CACNA2D3: variants seen among roughly 807,000 people sequenced by gnomAD.
The protein encoded by CACNA2D3 is voltage-dependent calcium channel subunit alpha-2/delta-3.
A neutral mutation model predicts 160.6 loss-of-function variants in CACNA2D3; 60 were observed. That is an observed-to-expected ratio of 0.37 (90% CI 0.30 to 0.46). The LOEUF (loss-of-function observed/expected upper bound fraction) is 0.46. Ranked by LOEUF, CACNA2D3 falls within the 20% of genes least tolerant of loss-of-function variation. The pLI, the probability that CACNA2D3 is intolerant of heterozygous loss-of-function variation, is 1.00. For synonymous variants in CACNA2D3, 558 were observed against 492.9 expected (o/e 1.13, Z -1.75); for missense variants, 1,205 against 1,365.0 (o/e 0.88, Z 1.85).
At chr3:54,372,146 C>G (rs1010110223) in intron 3 of CACNA2D3, among the ~76,000 whole-genome samples, 6 of 152,214 alleles carry the variant, frequency 3.9e-5, no homozygotes, top group African/African-American at 1.4e-4. Context: ...AACAAGCCAT[C>G]AACTCCTTTG....
chr3:54,582,562 G>C (rs193162357), intron 9 of CACNA2D3, among the ~76,000 whole-genome samples: 1 of 152,316 alleles, frequency 6.6e-6, no homozygotes, highest in Admixed American at 6.5e-5. Flanking sequence ...TGCAGGGCCA[G>C]TTGACAGTTT....
intron 31 of CACNA2D3, among the ~76,000 whole-genome samples, chr3:54,992,456 C>T (rs1413069144): frequency 6.6e-6 from 1 of 152,038 alleles, no homozygotes; most frequent in Non-Finnish European, 1.5e-5. Flanking sequence ...AGGGGAGATC[C>T]CTGCAGGACA....
chr3:54,700,744 T>C (rs1700752631), intron 11 of CACNA2D3, among the ~76,000 whole-genome samples: 1 of 152,220 alleles, frequency 6.6e-6, no homozygotes, highest in African/African-American at 2.4e-5. Context: ...ATCCTATGCA[T>C]TGGGCTCTAT....
At chr3:54,500,052 T>G (rs1701263673) in intron 4 of CACNA2D3, among the ~76,000 whole-genome samples, 1 of 152,168 alleles carries the variant, frequency 6.6e-6, no homozygotes, top group African/African-American at 2.4e-5. Context: ...AGTCTTTGTT[T>G]CATGTATTTT....
intron 17 of CACNA2D3, 44 bp downstream of exon 17, chr3:54,846,511 TA>T: frequency 7.6e-7 from 1 of 1,308,084 alleles, no homozygotes; most frequent in Non-Finnish European, 1.1e-6. Flanking sequence ...TTTATGATTT[TA>T]AAAGATTTCC....
chr3:55,033,709 A>C (rs969174186), intron 35 of CACNA2D3, among the ~76,000 whole-genome samples: 1 of 126,976 alleles, frequency 7.9e-6, no homozygotes, highest in East Asian at 2.0e-4. Flanking sequence ...AATATATATA[A>C]TATATATTAT....
intron 13 of CACNA2D3, among the ~76,000 whole-genome samples, chr3:54,811,901 A>C (rs1040810291): frequency 6.6e-6 from 1 of 152,192 alleles, no homozygotes; most frequent in Non-Finnish European, 1.5e-5. Flanking sequence ...TGTAGTTTCA[A>C]CATCTGCAGA....
intron 11 of CACNA2D3, among the ~76,000 whole-genome samples, chr3:54,719,486 A>C (rs976429122): frequency 6.6e-6 from 1 of 151,976 alleles, no homozygotes; most frequent in Non-Finnish European, 1.5e-5. Context: ...AAATAACTTT[A>C]CATTCGTGGT....
At chr3:54,846,056 G>A (rs185396243) in intron 16 of CACNA2D3, among the ~76,000 whole-genome samples, 4 of 152,032 alleles carry the variant, frequency 2.6e-5, no homozygotes, top group African/African-American at 7.3e-5. Flanking sequence ...CTGTGCACTT[G>A]GACATAGGGT....
intron 2 of CACNA2D3, among the ~76,000 whole-genome samples, chr3:54,152,443 C>A (rs956863657): frequency 6.6e-6 from 1 of 152,172 alleles, no homozygotes; most frequent in Non-Finnish European, 1.5e-5. Flanking sequence ...ATCTTTGATT[C>A]AATGCATATG....
At chr3:54,253,064 C>G (rs1445875948) in intron 2 of CACNA2D3, among the ~76,000 whole-genome samples, 1 of 150,004 alleles carries the variant, frequency 6.7e-6, no homozygotes, top group Non-Finnish European at 1.5e-5. Flanking sequence ...GAAATTGGTC[C>G]TTTAATATTA....
At chr3:54,902,314 G>C (rs1279590574) in intron 27 of CACNA2D3, among the ~76,000 whole-genome samples, 1 of 151,994 alleles carries the variant, frequency 6.6e-6, no homozygotes, top group East Asian at 1.9e-4. Context: ...CTTGTTTTTT[G>C]TTTTATTCTC....
At chr3:54,525,207 C>T (rs909518411) in intron 5 of CACNA2D3, among the ~76,000 whole-genome samples, 6 of 151,940 alleles carry the variant, frequency 3.9e-5, no homozygotes, top group Non-Finnish European at 8.8e-5. Flanking sequence ...TTTCAGTTAC[C>T]GTCTGGATTT....
At position 54,316,076 on chromosome 3, in the gene CACNA2D3, GGTGT is replaced by G. The variant is rs10543331; in HGVS notation, c.205-4350_205-4347del. Among the ~76,000 whole-genome samples the G allele has an allele frequency of 1.3e-4, 20 of 150,676 alleles. No homozygotes were observed. The East Asian group carries it at 2.7e-3, about 21-fold the overall frequency. On this transcript the variant is annotated intron_variant, in intron 2 of 37. Transcript: ENST00000474759. ...TACATTGTGTATGTCCTCCTAGCAG[GGTGT>G]GTGTGTGTGTGTGTGCACGTGTGTG...
chr3:54,706,720 C>T (rs989222568), intron 11 of CACNA2D3, among the ~76,000 whole-genome samples: 12 of 152,170 alleles, frequency 7.9e-5, no homozygotes, highest in African/African-American at 2.4e-4. Flanking sequence ...GGCCCTCACT[C>T]TCAGGGTGAG....
intron 20 of CACNA2D3, 136 bp from the exon 21 acceptor site, chr3:54,880,660 A>G (rs950830582): frequency 2.5e-6 from 2 of 795,784 alleles, no homozygotes; most frequent in African/African-American, 3.4e-5. Flanking sequence ...TGGGGTTTTG[A>G]AAGTAAACAG....
At chr3:54,126,400 T>C (rs1009464232) in intron 2 of CACNA2D3, among the ~76,000 whole-genome samples, 5 of 152,208 alleles carry the variant, frequency 3.3e-5, no homozygotes, top group African/African-American at 1.2e-4. Flanking sequence ...CACAAACATT[T>C]AGCAATGTAC....
chr3:54,343,929 A>G (rs913671802), intron 3 of CACNA2D3, among the ~76,000 whole-genome samples: 2 of 152,224 alleles, frequency 1.3e-5, no homozygotes, highest in Admixed American at 6.5e-5. Flanking sequence ...TAATGTCCAT[A>G]ATCGTGATAT....
At chr3:54,638,517 T>A (rs1398124798) in intron 10 of CACNA2D3, 1 of 151,816 alleles carries the variant, frequency 6.6e-6, no homozygotes, top group Non-Finnish European at 1.5e-5. Context: ...GGGACCTAGC[T>A]CGGCCTGGCA....
Sources: gnomAD v4.1 joint callset for allele counts (sites outside exome capture counted in the v4.1 genomes callset) on GRCh38, gnomAD v4.1.1 for gene constraint, MANE v1.5 for transcripts, NCBI Gene and HGNC (gene_info 2026-07-23, HGNC 2026-07-21) for gene names.